The following LRMDA variants were observed in gnomAD, a reference collection of about 807,000 sequenced individuals.
LRMDA encodes the protein leucine-rich melanocyte differentiation-associated protein.
Under a neutral mutation model 29.8 loss-of-function variants are expected in LRMDA, and 18 were observed. The observed-to-expected ratio is 0.60, with a 90% CI of 0.42 to 0.90. The LOEUF (loss-of-function observed/expected upper bound fraction) is 0.90. Among genes scored for constraint, LRMDA ranks in the 40% least tolerant of loss-of-function variants. The pLI, the probability that LRMDA is intolerant of heterozygous loss-of-function variation, is 0.00. For missense variants in LRMDA, 273 were observed against 273.9 expected (o/e 1.00, Z 0.02); for synonymous variants, 125 against 109.4 (o/e 1.14, Z -0.89).
chr10:76,355,194 A>G (rs1048844037), intron 6 of LRMDA, among the ~76,000 whole-genome samples: 2 of 152,198 alleles, frequency 1.3e-5, no homozygotes, highest in Admixed American at 1.3e-4. Flanking sequence ...ACATGGCAAG[A>G]TAAGCTATCG....
At chr10:76,266,712 G>C (rs781775059) in intron 5 of LRMDA, among the ~76,000 whole-genome samples, 1 of 152,148 alleles carries the variant, frequency 6.6e-6, no homozygotes, top group Non-Finnish European at 1.5e-5. Context: ...ATTAGACCTT[G>C]AGTTAATTAG....
chr10:75,738,975 G>C (rs1842797604), intron 2 of LRMDA, among the ~76,000 whole-genome samples: 1 of 152,170 alleles, frequency 6.6e-6, no homozygotes, highest in East Asian at 1.9e-4. Context: ...GACTTGCTGA[G>C]GTAGCACCTG....
intron 2 of LRMDA, among the ~76,000 whole-genome samples, chr10:75,575,622 G>A (rs965464735): frequency 1.3e-5 from 2 of 152,304 alleles, no homozygotes; most frequent in South Asian, 2.1e-4. Flanking sequence ...AGCTCCCAGC[G>A]AGATTGATGC....
rs142793949 is a variant in LRMDA at position 75,613,621 on chromosome 10, G to C, written c.131+175127G>C. Among the ~76,000 whole-genome samples the C allele has an allele frequency of 6.9e-3, 1,050 of 152,200 alleles. 6 individuals carry two copies. The highest frequency in any genetic ancestry group is 0.054 in the Middle Eastern group (16 of 294). On this transcript the variant is annotated intron_variant, in intron 2 of 6. Transcript: ENST00000611255. ...GTATGGTGTTTGCAGAGTTCTCCAG[G>C]TTTCATCTTGTTTTTTCACAAAAAC... is the stretch of plus-strand genomic sequence containing the variant.
At chr10:75,771,192 G>C (rs149184969) in intron 2 of LRMDA, among the ~76,000 whole-genome samples, 2 of 152,048 alleles carry the variant, frequency 1.3e-5, no homozygotes, top group Non-Finnish European at 2.9e-5. Context: ...GAAAATGGCC[G>C]TAGGGGATAA....
At chr10:75,712,443 G>A (rs1350010806) in intron 2 of LRMDA, among the ~76,000 whole-genome samples, 1 of 150,980 alleles carries the variant, frequency 6.6e-6, no homozygotes, top group Non-Finnish European at 1.5e-5. Context: ...GGGTGGGGGC[G>A]GTTGGGGGGG....
At chr10:75,938,285 T>C (rs1226100854) in intron 2 of LRMDA, among the ~76,000 whole-genome samples, 1 of 152,224 alleles carries the variant, frequency 6.6e-6, no homozygotes, top group African/African-American at 2.4e-5. Context: ...TCAGGGTTTC[T>C]CCACTAAATA....
chr10:75,746,050 T>C (rs1842886719), intron 2 of LRMDA, among the ~76,000 whole-genome samples: 1 of 152,240 alleles, frequency 6.6e-6, no homozygotes, highest in Admixed American at 6.5e-5. Flanking sequence ...GGGAGGTTTC[T>C]GCACTGTGAA....
At chr10:75,958,835 C>A (rs1288093826) in intron 2 of LRMDA, among the ~76,000 whole-genome samples, 2 of 152,134 alleles carry the variant, frequency 1.3e-5, no homozygotes, top group Non-Finnish European at 2.9e-5. Flanking sequence ...GCCTCACAAT[C>A]GTGGCAGAAG....
intron 2 of LRMDA, among the ~76,000 whole-genome samples, chr10:75,756,379 G>A (rs1843032547): frequency 6.6e-6 from 1 of 152,068 alleles, no homozygotes; most frequent in Non-Finnish European, 1.5e-5. Flanking sequence ...CATTCATATT[G>A]GGTCATGAGG....
At chr10:76,080,230 A>G (rs1330097917) in intron 5 of LRMDA, among the ~76,000 whole-genome samples, 1 of 152,174 alleles carries the variant, frequency 6.6e-6, no homozygotes, top group Non-Finnish European at 1.5e-5. Context: ...CAGAATTCCC[A>G]GACCCCAGAG....
At chr10:76,453,171 A>T (rs554767213) in intron 6 of LRMDA, among the ~76,000 whole-genome samples, 3 of 152,318 alleles carry the variant, frequency 2.0e-5, no homozygotes, top group South Asian at 4.1e-4. Context: ...ACAGTTCCAT[A>T]AAGCTCTTGT....
chr10:76,417,789 C>T (rs1438070910), intron 6 of LRMDA, among the ~76,000 whole-genome samples: 1 of 152,120 alleles, frequency 6.6e-6, no homozygotes, highest in East Asian at 1.9e-4. Context: ...ACGGTATTAT[C>T]CTGTGTTATC....
At chr10:76,401,491 G>A (rs1418460569) in intron 6 of LRMDA, among the ~76,000 whole-genome samples, 1 of 152,170 alleles carries the variant, frequency 6.6e-6, no homozygotes, top group East Asian at 1.9e-4. Flanking sequence ...TGTTTTCTGA[G>A]TGAAGTCCCA....
At chr10:75,477,706 A>G (rs1045809395) in intron 2 of LRMDA, among the ~76,000 whole-genome samples, 9 of 152,142 alleles carry the variant, frequency 5.9e-5, no homozygotes, top group Admixed American at 2.0e-4. Flanking sequence ...CGAGGCTTGT[A>G]TGGCTTCTGG....
intron 5 of LRMDA, among the ~76,000 whole-genome samples, chr10:76,154,021 T>C (rs1589353790): frequency 1.3e-5 from 2 of 152,234 alleles, no homozygotes; most frequent in East Asian, 3.9e-4. Flanking sequence ...TGAAAAGAGA[T>C]AGGCAATATA....
intron 2 of LRMDA, among the ~76,000 whole-genome samples, chr10:75,736,506 C>T (rs1199130260): frequency 1.3e-5 from 2 of 152,176 alleles, no homozygotes; most frequent in Non-Finnish European, 2.9e-5. Context: ...GGCTTGATTG[C>T]ATACTGTGAA....
At chr10:76,064,778 A>G (rs1359271655) in intron 5 of LRMDA, among the ~76,000 whole-genome samples, 1 of 152,262 alleles carries the variant, frequency 6.6e-6, no homozygotes, top group African/African-American at 2.4e-5. Context: ...AATAAACATT[A>G]TAAATCACAA....
intron 2 of LRMDA, among the ~76,000 whole-genome samples, chr10:75,552,829 T>C (rs2132056049): frequency 1.3e-5 from 2 of 152,218 alleles, no homozygotes; most frequent in Middle Eastern, 3.4e-3. Flanking sequence ...TCTGCTGTGT[T>C]CAGTTTGTTG....
Sources: allele counts gnomAD v4.1 joint callset (sites outside exome capture counted in the v4.1 genomes callset), GRCh38; gene constraint gnomAD v4.1.1; transcripts MANE v1.5; gene names NCBI Gene and HGNC (gene_info 2026-07-23, HGNC 2026-07-21).